The following CHRDL2 variants were observed in gnomAD, a reference collection of about 807,000 sequenced individuals.
The protein encoded by CHRDL2 is chordin like 2.
In CHRDL2, 41 loss-of-function variants were observed where a neutral mutation model predicts 54.3. That is an observed-to-expected ratio of 0.76 (90% CI 0.59 to 0.98). The LOEUF (loss-of-function observed/expected upper bound fraction) is 0.98. CHRDL2 is among the 50% of genes least tolerant of loss of function. The pLI, the probability that CHRDL2 is intolerant of heterozygous loss-of-function variation, is 0.00. For missense variants in CHRDL2, 518 were observed against 562.4 expected (o/e 0.92, Z 0.80); for synonymous variants, 220 against 224.3 (o/e 0.98, Z 0.17).
At chr11:74,728,435 A>G (rs2034602657) in intron 1 of CHRDL2, among the ~76,000 whole-genome samples, 1 of 152,202 alleles carries the variant, frequency 6.6e-6, no homozygotes, top group South Asian at 2.1e-4. Context: ...TCAGCACCAA[A>G]CAAAATGAGG....
chr11:74,720,038 AC>A (rs2135272912), intron 1 of CHRDL2, among the ~76,000 whole-genome samples: 1 of 152,348 alleles, frequency 6.6e-6, no homozygotes, highest in South Asian at 2.1e-4. Flanking sequence ...GAGGCTCAGC[AC>A]AAGCTAAGTG....
chr11:74,703,051 T>C, intron 8 of CHRDL2, 84 bp from the exon 9 acceptor site: 4 of 1,362,910 alleles, frequency 2.9e-6, no homozygotes, highest in Non-Finnish European at 4.0e-6. Context: ...ATGTTGTGAC[T>C]TCATGGAATC....
chr11:74,704,327 C>T (rs1465112726), intron 7 of CHRDL2, among the ~76,000 whole-genome samples, 159 bp downstream of exon 7: 2 of 151,886 alleles, frequency 1.3e-5, no homozygotes, highest in African/African-American at 4.8e-5. Flanking sequence ...TTAAGAGCAC[C>T]CTCATTCAGT....
intron 1 of CHRDL2, among the ~76,000 whole-genome samples, chr11:74,724,192 GGGAA>G (rs2034538880): frequency 6.6e-6 from 1 of 152,210 alleles, no homozygotes; most frequent in Non-Finnish European, 1.5e-5. Flanking sequence ...GATGCAGAAG[GGGAA>G]GGACTTCTCA....
At chr11:74,696,632 G>A (rs369700929) in intron 10 of CHRDL2, 47 bp from the exon 11 acceptor site, 8 of 1,342,218 alleles carry the variant, frequency 6.0e-6, no homozygotes, top group East Asian at 4.6e-5. Flanking sequence ...GTGTCTGCAC[G>A]TGCACAACAG....
intron 2 of CHRDL2, among the ~76,000 whole-genome samples, chr11:74,715,978 A>AAAAT (rs973033623): frequency 1.3e-5 from 2 of 150,686 alleles, no homozygotes; most frequent in African/African-American, 4.9e-5. Context: ...ACTCTGTCTC[A>AAAAT]AAATAAATAA....
intron 2 of CHRDL2, among the ~76,000 whole-genome samples, chr11:74,716,613 G>A (rs2034362780): frequency 6.7e-6 from 1 of 150,298 alleles, no homozygotes; most frequent in South Asian, 2.1e-4. Flanking sequence ...CCTCAGCGGG[G>A]AATTTGAATT....
chr11:74,725,299 C>T (rs1288644524), intron 1 of CHRDL2, among the ~76,000 whole-genome samples: 2 of 152,206 alleles, frequency 1.3e-5, no homozygotes, highest in Non-Finnish European at 2.9e-5. Flanking sequence ...CCCTGGAAGC[C>T]TCTTTCTTTA....
chr11:74,718,357 G>A (rs2034415495), intron 2 of CHRDL2, among the ~76,000 whole-genome samples: 1 of 152,180 alleles, frequency 6.6e-6, no homozygotes, highest in Non-Finnish European at 1.5e-5. Context: ...AGTGGCTGGA[G>A]GAAATAGTAC....
At chr11:74,706,423 C>G (rs993229589) in intron 6 of CHRDL2, 64 bp downstream of exon 6, 13 of 1,519,408 alleles carry the variant, frequency 8.6e-6, no homozygotes, top group African/African-American at 1.4e-5. Context: ...CCCAGAGTCA[C>G]GAGATTTAGG....
intron 9 of CHRDL2, among the ~76,000 whole-genome samples, chr11:74,697,956 C>T (rs893919777): frequency 2.6e-5 from 4 of 152,150 alleles, no homozygotes; most frequent in African/African-American, 9.7e-5. Flanking sequence ...CTTGCCTGTG[C>T]CCTAGCCCTA....
intron 1 of CHRDL2, chr11:74,720,423 G>GC (rs1488797859): frequency 6.5e-6 from 1 of 153,574 alleles, no homozygotes; most frequent in Non-Finnish European, 1.5e-5. Flanking sequence ...CAGGACTCCC[G>GC]CCTCCAAAGC....
Position 74,718,765 on chromosome 11 carries a change from C to T in CHRDL2, c.150G>A (p.Leu50=), listed in dbSNP as rs752582264. 2.5e-6 allele frequency: 4 copies of T among 1,613,692 alleles called. No individual in the cohort carries two copies. In the African/African-American group the frequency reaches 5.3e-5, roughly 22 times the overall value. The change falls in exon 2 of 11, where the codon TTG becomes TTA. Residue 50 remains leucine, a synonymous_variant. Coordinates refer to ENST00000376332, the MANE Select transcript of CHRDL2 (RefSeq NM_001278473.3). ...YSPGESWHPY[L]EPQGLMYCLR... ...GGCAGTACATCAGGCCTTGTGGCTC[C>T]AAGTAGGGGTGCCAGCTCTCGCCGG...
intron 1 of CHRDL2, chr11:74,719,096 G>A (rs1457899563): frequency 4.7e-6 from 2 of 425,294 alleles, no homozygotes; most frequent in Non-Finnish European, 8.4e-6. Flanking sequence ...GGCAGTTAGG[G>A]AATCAAGCAG....
At position 74,704,584 on chromosome 11, in the gene CHRDL2, C is replaced by T; in HGVS notation, c.653G>A (p.Gly218Asp). Residue 218 changes from glycine (G) to aspartate (D), a missense_variant, in exon 7 of 11, where the codon GGC becomes GAC. Physicochemically the swap from Gly to Asp is moderately conservative, Grantham distance 94. Transcript: ENST00000376332. ...KRGPGTPAPTGLSAPLSFIPR... is the reference protein window; with the variant it reads ...KRGPGTPAPTDLSAPLSFIPR... Reference sequence around the variant, plus strand: ...GATGAAGCTCAGAGGGGCGCTGAGGCCAGTGGGGGCTGGGGTGCCCGGGCC... The same window carrying T: ...GATGAAGCTCAGAGGGGCGCTGAGGTCAGTGGGGGCTGGGGTGCCCGGGCC... The T allele has an allele frequency of 1.3e-6, 2 of 1,594,794 alleles. No individual in the cohort carries two copies. Among genetic ancestry groups the T allele is most frequent in the East Asian group, 2.3e-5 (1 of 43,946 alleles).
intron 1 of CHRDL2, among the ~76,000 whole-genome samples, chr11:74,725,706 G>A (rs948238061): frequency 1.3e-5 from 2 of 152,202 alleles, no homozygotes; most frequent in African/African-American, 2.4e-5. Context: ...TTCTGGGCTG[G>A]AGGGGAGGCT....
chr11:74,701,982 C>T (rs1016357545), intron 9 of CHRDL2, among the ~76,000 whole-genome samples: 10 of 152,068 alleles, frequency 6.6e-5, no homozygotes, highest in Non-Finnish European at 1.3e-4. Context: ...TGCTGGGTGT[C>T]GTGGCTCACG....
At chr11:74,722,182 C>T (rs1313365207) in intron 1 of CHRDL2, among the ~76,000 whole-genome samples, 1 of 152,148 alleles carries the variant, frequency 6.6e-6, no homozygotes, top group Non-Finnish European at 1.5e-5. Flanking sequence ...TTCCCATACA[C>T]TCCCTTTGGT....
At chr11:74,719,782 T>C (rs1165571324) in intron 1 of CHRDL2, among the ~76,000 whole-genome samples, 5 of 152,128 alleles carry the variant, frequency 3.3e-5, no homozygotes, top group African/African-American at 9.7e-5. Context: ...TCTCCTACAA[T>C]CCTGCATTCC....
Sources: gnomAD v4.1 joint callset for allele counts (sites outside exome capture counted in the v4.1 genomes callset) on GRCh38, gnomAD v4.1.1 for gene constraint, MANE v1.5 for transcripts, NCBI Gene and HGNC (gene_info 2026-07-23, HGNC 2026-07-21) for gene names.